ADARB2: variants seen among roughly 807,000 people sequenced by gnomAD.
ADARB2 encodes inactive double-stranded RNA-specific editase B2.
In ADARB2, 25 loss-of-function variants were observed where a neutral mutation model predicts 62.2. The observed-to-expected ratio is 0.40, with a 90% CI of 0.29 to 0.56. ADARB2 has a LOEUF of 0.56. Ranked by LOEUF, ADARB2 falls within the 20% of genes least tolerant of loss-of-function variation. The probability of loss-of-function intolerance (pLI) is 0.43; values close to 1 mark genes in which losing one functional copy is unlikely to be tolerated. For synonymous variants in ADARB2, 572 were observed against 500.8 expected (o/e 1.14, Z -1.90); for missense variants, 1,071 against 1,077.4 (o/e 0.99, Z 0.08).
chr10:1,361,563 G>A (rs1832255602), intron 3 of ADARB2: 1 of 152,040 alleles, frequency 6.6e-6, no homozygotes, highest in Admixed American at 6.6e-5. Flanking sequence ...AGAGGCAGAA[G>A]GCAGGGGTGT....
intron 4 of ADARB2, among the ~76,000 whole-genome samples, chr10:1,262,985 C>T (rs1831157351): frequency 1.3e-5 from 2 of 151,838 alleles, no homozygotes; most frequent in South Asian, 4.2e-4. Flanking sequence ...TTTGTAGGGA[C>T]ATGGATGAAA....
chr10:1,506,103 T>C (rs938163215), intron 1 of ADARB2, among the ~76,000 whole-genome samples: 2 of 152,008 alleles, frequency 1.3e-5, no homozygotes, highest in African/African-American at 4.8e-5. Flanking sequence ...TTTGGGAAGA[T>C]GATGTGCATG....
chr10:1,376,151 G>A (rs1208646476), intron 2 of ADARB2, among the ~76,000 whole-genome samples: 4 of 152,176 alleles, frequency 2.6e-5, no homozygotes, highest in Non-Finnish European at 4.4e-5. Context: ...GGATAAGGCC[G>A]CGCTGGCAAT....
At chr10:1,678,559 C>G (rs555271202) in intron 1 of ADARB2, among the ~76,000 whole-genome samples, 1 of 152,172 alleles carries the variant, frequency 6.6e-6, no homozygotes, top group South Asian at 2.1e-4. Context: ...TTTTTATCCT[C>G]TACAATATCT....
intron 1 of ADARB2, among the ~76,000 whole-genome samples, chr10:1,434,001 T>C (rs1830805544): frequency 6.6e-6 from 1 of 152,212 alleles, no homozygotes; most frequent in African/African-American, 2.4e-5. Flanking sequence ...ATTGAACACA[T>C]ACTATAGAAC....
At chr10:1,304,957 A>G (rs1831612144) in intron 3 of ADARB2, among the ~76,000 whole-genome samples, 1 of 101,928 alleles carries the variant, frequency 9.8e-6, no homozygotes, top group Non-Finnish European at 2.2e-5. Context: ...TAACATCACA[A>G]TTAAAAGAAC....
At position 1,183,359 on chromosome 10, in the gene ADARB2, C is replaced by G; in HGVS notation, c.2054G>C (p.Arg685Pro). The G allele has an allele frequency of 6.2e-7, 1 of 1,612,148 alleles. No homozygotes were observed. Among genetic ancestry groups the G allele is most frequent in the Non-Finnish European group, 8.5e-7 (1 of 1,178,356 alleles). The change falls in exon 10 of 10, where the codon CGG becomes CCG. Residue 685 changes from arginine to proline, a missense_variant. Physicochemically the swap from Arg to Pro is moderately radical, Grantham distance 103 (BLOSUM62 -2). Transcript: ENST00000381312. ...WARLYGRLST[R>P]TPSPGDTPSM... ...GGGCGTGTCTCCAGGGCTGGGTGTCCGTGTGCTCAGCTGCGGACAAGAAGG... is the reference window on the plus strand; with the variant it reads ...GGGCGTGTCTCCAGGGCTGGGTGTCGGTGTGCTCAGCTGCGGACAAGAAGG...
At chr10:1,458,032 C>T (rs993773648) in intron 1 of ADARB2, among the ~76,000 whole-genome samples, 2 of 151,820 alleles carry the variant, frequency 1.3e-5, no homozygotes, top group East Asian at 1.9e-4. Flanking sequence ...CTTTAAATAT[C>T]GAAGTTCCCC....
In ADARB2 at chr10:1,382,713, T is replaced by C. The variant is rs543527042; in HGVS notation, c.101-3553A>G. 2.6e-5 allele frequency among the ~76,000 whole-genome samples: 4 copies of C among 152,046 alleles called. No homozygotes were observed. In the East Asian group the frequency reaches 5.8e-4, roughly 22 times the overall value. ...TGAAAAAAGGATGCCATACTTTTTTTTTTTTTTTGCCTCAGTTCTGGACCT... is the reference window on the plus strand; with the variant it reads ...TGAAAAAAGGATGCCATACTTTTTTCTTTTTTTTGCCTCAGTTCTGGACCT... On this transcript the variant is annotated intron_variant, in intron 1 of 9. Coordinates refer to ENST00000381312, the MANE Select transcript of ADARB2 (RefSeq NM_018702.4).
At chr10:1,461,761 A>G (rs1831177617) in intron 1 of ADARB2, among the ~76,000 whole-genome samples, 1 of 151,854 alleles carries the variant, frequency 6.6e-6, no homozygotes, top group Non-Finnish European at 1.5e-5. Flanking sequence ...GCACTTTGGG[A>G]GGCCGAGGCG....
intron 1 of ADARB2, among the ~76,000 whole-genome samples, chr10:1,659,559 G>A (rs942448456): frequency 5.3e-5 from 8 of 152,234 alleles, no homozygotes; most frequent in Non-Finnish European, 1.2e-4. Flanking sequence ...TTCTCAGCGC[G>A]TCTCCAGCTG....
At chr10:1,227,071 CTTTG>C (rs906182795) in intron 6 of ADARB2, among the ~76,000 whole-genome samples, 1 of 152,220 alleles carries the variant, frequency 6.6e-6, no homozygotes, top group African/African-American at 2.4e-5. Flanking sequence ...TTCCAGGCTG[CTTTG>C]TTTATCTAAT....
chr10:1,647,570 T>A (rs970369180), intron 1 of ADARB2, among the ~76,000 whole-genome samples: 1 of 152,152 alleles, frequency 6.6e-6, no homozygotes, highest in Non-Finnish European at 1.5e-5. Context: ...TATATCTGCA[T>A]GTATGTGTGT....
intron 1 of ADARB2, among the ~76,000 whole-genome samples, chr10:1,608,725 AAGT>A: frequency 6.6e-6 from 1 of 150,580 alleles, no homozygotes; most frequent in South Asian, 2.1e-4. Flanking sequence ...GGAAAGAAAA[AAGT>A]AAGAAAGAAA....
At chr10:1,262,084 T>C (rs1436887460) in intron 4 of ADARB2, among the ~76,000 whole-genome samples, 2 of 136,070 alleles carry the variant, frequency 1.5e-5, no homozygotes, top group African/African-American at 5.9e-5. Flanking sequence ...TAGGTGGGAA[T>C]TGAACAATGA....
intron 1 of ADARB2, among the ~76,000 whole-genome samples, chr10:1,603,821 T>A (rs1203726228): frequency 6.6e-6 from 1 of 152,100 alleles, no homozygotes; most frequent in African/African-American, 2.4e-5. Context: ...TTATTTATTT[T>A]GAGACAGAGT....
At chr10:1,632,772 C>T (rs1833859348) in intron 1 of ADARB2, among the ~76,000 whole-genome samples, 1 of 152,226 alleles carries the variant, frequency 6.6e-6, no homozygotes, top group South Asian at 2.1e-4. Flanking sequence ...CTCCCATCTG[C>T]ACACTCGTTC....
At chr10:1,506,325 A>T (rs879625968) in intron 1 of ADARB2, among the ~76,000 whole-genome samples, 7 of 152,310 alleles carry the variant, frequency 4.6e-5, no homozygotes, top group Admixed American at 4.6e-4. Context: ...TTTATTATTT[A>T]TGGGGGGGAA....
intron 3 of ADARB2, among the ~76,000 whole-genome samples, chr10:1,316,150 G>T (rs1018883845): frequency 1.3e-5 from 2 of 152,172 alleles, no homozygotes; most frequent in African/African-American, 4.8e-5. Context: ...TTTCCTTCTT[G>T]CTCAGATGGG....
Sources: gnomAD v4.1 joint callset for allele counts (sites outside exome capture counted in the v4.1 genomes callset) on GRCh38, gnomAD v4.1.1 for gene constraint, MANE v1.5 for transcripts, NCBI Gene and HGNC (gene_info 2026-07-23, HGNC 2026-07-21) for gene names.